Variants in SYNE1 observed in about 807,000 individuals in gnomAD.
SYNE1 encodes nesprin-1.
Under a neutral mutation model 1,111.0 loss-of-function variants are expected in SYNE1, and 616 were observed. The ratio of observed to expected loss-of-function variants is 0.55; its 90% CI spans 0.52 to 0.59. The LOEUF (loss-of-function observed/expected upper bound fraction) is 0.59, where lower values mean the gene tolerates loss of function less well. Ranked by LOEUF, SYNE1 falls within the 20% of genes least tolerant of loss-of-function variation. The pLI, the probability that SYNE1 is intolerant of heterozygous loss-of-function variation, is 0.00. For missense variants in SYNE1, 10,006 were observed against 10,417.0 expected, an observed-to-expected ratio of 0.96 and a Z score of 1.72; for synonymous variants, 3,855 against 3,825.8, an observed-to-expected ratio of 1.01 and a Z score of -0.28.
chr6:152,161,630 AT>A (rs113179594), intron 131 of SYNE1, among the ~76,000 whole-genome samples: 230 of 148,800 alleles, frequency 1.5e-3, no homozygotes, highest in African/African-American at 4.4e-3. Flanking sequence ...CCCTCTATTT[AT>A]TTTTTTTTCT....
At chr6:152,166,798 T>C (rs541031194) in intron 130 of SYNE1, among the ~76,000 whole-genome samples, 2 of 152,352 alleles carry the variant, frequency 1.3e-5, no homozygotes, top group South Asian at 4.1e-4. Context: ...AAATACAGTG[T>C]GCATGTGTGC....
In SYNE1 at chr6:152,323,366, G is replaced by A. The variant is rs112635596; in HGVS notation, c.15917+112C>T. 0.012 allele frequency: 18,515 copies of A among 1,489,984 alleles called. 1,806 individuals carry two copies. The African/African-American group carries it at 0.22, about 18-fold the overall frequency. 92.3% of individuals were successfully genotyped at this position (1,489,984 alleles called of 1,614,324 possible). A position where few individuals can be genotyped will look rare whatever the true frequency, so the allele number is the denominator to read the frequency against. ...AGGCAGGAGAATGGCGTGAACCCGG[G>A]AGGCGGAGCTTGCAGTGAGCCGAGA... is the stretch of plus-strand genomic sequence containing the variant. On this transcript the variant is annotated intron_variant, in intron 82 of 145. Transcript: ENST00000367255.
At chr6:152,449,744 G>T (rs1315669153) in intron 27 of SYNE1, 103 bp from the exon 28 acceptor site, 2 of 920,316 alleles carry the variant, frequency 2.2e-6, no homozygotes, top group East Asian at 5.0e-5. Flanking sequence ...ACAATTAAGT[G>T]ATTACCAAAT....
chr6:152,458,463 C>A (rs2098711418), intron 22 of SYNE1, among the ~76,000 whole-genome samples: 2 of 152,118 alleles, frequency 1.3e-5, no homozygotes, highest in African/African-American at 4.8e-5. Context: ...TCAAAACAAA[C>A]CATTTTTTCT....
chr6:152,494,088 C>T (rs1310385729), intron 11 of SYNE1, among the ~76,000 whole-genome samples: 1 of 152,212 alleles, frequency 6.6e-6, no homozygotes, highest in Non-Finnish European at 1.5e-5. Context: ...AACAACCTGA[C>T]CGCACAGTTC....
chr6:152,445,718 C>CTT (rs111707997), intron 29 of SYNE1, among the ~76,000 whole-genome samples: 5 of 151,326 alleles, frequency 3.3e-5, no homozygotes, highest in African/African-American at 7.3e-5. Flanking sequence ...CACCCACAGT[C>CTT]TTTTTTTTTC....
chr6:152,386,560 C>A (rs1256707236), intron 54 of SYNE1, among the ~76,000 whole-genome samples: 1 of 152,018 alleles, frequency 6.6e-6, no homozygotes, highest in Non-Finnish European at 1.5e-5. Context: ...AAAGAATAAT[C>A]ATGAAGGAAA....
At chr6:152,295,051 G>A (rs373584713) in intron 93 of SYNE1, among the ~76,000 whole-genome samples, 47 of 152,302 alleles carry the variant, frequency 3.1e-4, no homozygotes, top group South Asian at 1.2e-3. Flanking sequence ...GGCTCCAGCC[G>A]TCTGAGAAAC....
chr6:152,169,027 A>T (rs2064404471), intron 130 of SYNE1, among the ~76,000 whole-genome samples: 1 of 152,156 alleles, frequency 6.6e-6, no homozygotes, highest in Non-Finnish European at 1.5e-5. Flanking sequence ...AAAGAAAATA[A>T]GTCCCCAAAT....
At chr6:152,398,821 A>G in intron 48 of SYNE1, 90 bp from the exon 49 acceptor site, 1 of 959,662 alleles carries the variant, frequency 1.0e-6, no homozygotes, top group Non-Finnish European at 1.6e-6. Flanking sequence ...CACATGAATT[A>G]TTTCTGGCCT....
chr6:152,331,768 A>G lies in SYNE1; in HGVS notation c.12917T>C (p.Leu4306Pro). 1 of 1,614,188 alleles carries G rather than the reference A, an allele frequency of 6.2e-7. No homozygotes were observed. The highest frequency in any genetic ancestry group is 8.5e-7 in the Non-Finnish European group (1 of 1,180,040). ...KDQKQKMIEH[L>P]NLDDKELVKE... The stretch of plus-strand genomic sequence containing the variant: ...GACTAACTCCTTGTCATCTAAATTC[A>G]GATGCTCTATCATTTTCTGCTTTTG... Residue 4306 changes from leucine to proline, a missense_variant, in exon 78 of 146, where the codon CTG becomes CCG. Around this residue, in one of 7 missense-constraint regions of SYNE1, gnomAD observed 4,955 missense variants for 5,017.2 expected, o/e 0.99. Transcript: ENST00000367255.
chr6:152,467,338 A>T (rs2098776495), intron 16 of SYNE1, among the ~76,000 whole-genome samples: 1 of 152,128 alleles, frequency 6.6e-6, no homozygotes, highest in Non-Finnish European at 1.5e-5. Flanking sequence ...TGAGAAAAGA[A>T]TAATTTACTA....
At chr6:152,213,787 G>C in intron 122 of SYNE1, 28 bp from the exon 123 acceptor site, 8 of 1,613,684 alleles carry the variant, frequency 5.0e-6, no homozygotes, top group Non-Finnish European at 6.8e-6. Context: ...AAGGAACAAT[G>C]GTTATTTCAC....
rs1037106183 is a variant in SYNE1 at position 152,510,993 on chromosome 6, G to A, written c.402+18C>T. 3.7e-6 allele frequency: 6 copies of A among 1,607,138 alleles called. No homozygotes were observed. Among genetic ancestry groups the A allele is most frequent in the Non-Finnish European group, 5.1e-6 (6 of 1,173,748 alleles). ...CTGAGACATTGCATCAACTGAAAGA[G>A]GAACTGTAGCACAATACCTGGAAAT... On this transcript the variant is annotated intron_variant, in intron 7 of 145. Transcript: ENST00000367255.
At position 152,461,744 on chromosome 6, in the gene SYNE1, C is replaced by T. The variant is rs779261713; in HGVS notation, c.2251-4G>A. On this transcript the variant is annotated splice_region_variant and splice_polypyrimidine_tract_variant and intron_variant, in intron 20 of 145. Coordinates refer to ENST00000367255, the MANE Select transcript of SYNE1 (RefSeq NM_182961.4). The stretch of plus-strand genomic sequence containing the variant: ...CAGGCACCCTCTGCTCAATATCCTG[C>T]ATGAATCATTGAAACAGCCAGATTC... 1 of 1,613,942 alleles carries T rather than the reference C, an allele frequency of 6.2e-7. No homozygotes were observed. The highest frequency in any genetic ancestry group is 1.7e-5 in the Admixed American group (1 of 59,990).
chr6:152,240,176 G>T (rs766072746), intron 107 of SYNE1, among the ~76,000 whole-genome samples: 1 of 152,056 alleles, frequency 6.6e-6, no homozygotes, highest in Non-Finnish European at 1.5e-5. Flanking sequence ...TGTACAAAGG[G>T]GCAAAAAGGA....
intron 4 of SYNE1, among the ~76,000 whole-genome samples, chr6:152,529,376 C>G (rs1171467448): frequency 6.6e-6 from 1 of 152,152 alleles, no homozygotes; most frequent in Non-Finnish European, 1.5e-5. Context: ...GTGGCCTGAG[C>G]TGGGCCCATC....
At chr6:152,536,879 A>G (rs890072368) in intron 4 of SYNE1, among the ~76,000 whole-genome samples, 4 of 152,142 alleles carry the variant, frequency 2.6e-5, no homozygotes, top group African/African-American at 9.7e-5. Flanking sequence ...TAATAAAAAT[A>G]ATGCATTTTC....
intron 29 of SYNE1, among the ~76,000 whole-genome samples, chr6:152,445,969 A>C (rs2098584027): frequency 1.3e-5 from 2 of 152,142 alleles, no homozygotes; most frequent in South Asian, 4.1e-4. Context: ...GTAAAAAATT[A>C]ATGTCTGTAT....
Sources: gnomAD v4.1 joint callset for allele counts (sites outside exome capture counted in the v4.1 genomes callset) on GRCh38, gnomAD v4.1.1 for gene constraint, gnomAD v4.1.1 regional missense constraint, MANE v1.5 for transcripts, NCBI Gene and HGNC (gene_info 2026-07-23, HGNC 2026-07-21) for gene names.